Variants in LARS2 observed in about 807,000 individuals in gnomAD.
The protein encoded by LARS2 is leucyl-tRNA synthetase 2, mitochondrial, also known as leucine--tRNA ligase, mitochondrial.
LARS2 carries 81 observed loss-of-function variants against 116.6 expected under a neutral mutation model. The observed-to-expected ratio is 0.69, with a 90% CI of 0.58 to 0.84. LARS2 has a LOEUF of 0.84. Ranked by LOEUF, LARS2 falls within the 40% of genes least tolerant of loss-of-function variation. LARS2 has a pLI of 0.00. For missense variants in LARS2, 968 were observed against 1,114.5 expected (o/e 0.87, Z 1.87); for synonymous variants, 396 against 407.2 (o/e 0.97, Z 0.33).
intron 13 of LARS2, among the ~76,000 whole-genome samples, 174 bp from the exon 14 acceptor site, chr3:45,496,101 C>A (rs1020212539): frequency 6.6e-6 from 1 of 152,162 alleles, no homozygotes; most frequent in Non-Finnish European, 1.5e-5. Context: ...CCTCGTGATC[C>A]ACCCACCTCA....
At chr3:45,454,242 CA>C (rs1361228013) in intron 7 of LARS2, among the ~76,000 whole-genome samples, 1 of 152,146 alleles carries the variant, frequency 6.6e-6, no homozygotes, top group East Asian at 1.9e-4. Flanking sequence ...AGCCTAATGG[CA>C]AAGAAGAGTA....
At chr3:45,414,088 T>C (rs2125683798) in intron 4 of LARS2, among the ~76,000 whole-genome samples, 1 of 152,278 alleles carries the variant, frequency 6.6e-6, no homozygotes, top group South Asian at 2.1e-4. Context: ...CTTCTAGAAA[T>C]TTTTCTAAAG....
chr3:45,405,854 C>T (rs975830777), intron 4 of LARS2, among the ~76,000 whole-genome samples: 1 of 152,210 alleles, frequency 6.6e-6, no homozygotes, highest in Non-Finnish European at 1.5e-5. Context: ...AGTGCCTCCC[C>T]ATCTCTGTGG....
chr3:45,516,268 A>G lies in LARS2; in HGVS notation c.2036A>G (p.Asp679Gly). The G allele has an allele frequency of 1.9e-6, 3 of 1,612,968 alleles. No homozygotes were observed. Among genetic ancestry groups the G allele is most frequent in the Non-Finnish European group, 2.5e-6 (3 of 1,179,370 alleles). ...CCTCCTGAGAAGGATATCTTGTGGG[A>G]TGTGAAAAGTAAGTCACCTTCCTCT... Reference protein sequence around the residue: ...AAPPEKDILWDVKTDALPGVL... With the variant: ...AAPPEKDILWGVKTDALPGVL... Residue 679 changes from aspartate to glycine, a missense_variant, in exon 17 of 22, where the codon GAT becomes GGT. Physicochemically the swap from Asp to Gly is moderately conservative, Grantham distance 94 (BLOSUM62 -1). Coordinates refer to ENST00000645846, the MANE Select transcript of LARS2 (RefSeq NM_015340.4).
At chr3:45,436,799 CAA>C (rs61468802) in intron 6 of LARS2, among the ~76,000 whole-genome samples, 2,339 of 121,460 alleles carry the variant, frequency 0.019, 52 homozygotes, top group African/African-American at 0.074. Flanking sequence ...AGACTCGTCT[CAA>C]AAAAAAAAAA....
intron 21 of LARS2, among the ~76,000 whole-genome samples, chr3:45,546,392 CA>C (rs1700876385): frequency 6.6e-6 from 1 of 152,182 alleles, no homozygotes; most frequent in South Asian, 2.1e-4. Flanking sequence ...CTCACGCTTT[CA>C]AAACAGTATT....
chr3:45,541,079 G>C (rs1700788658), intron 20 of LARS2, among the ~76,000 whole-genome samples: 1 of 152,150 alleles, frequency 6.6e-6, no homozygotes, highest in African/African-American at 2.4e-5. Flanking sequence ...TTAAGTCAAA[G>C]CTTTCCCTGC....
intron 16 of LARS2, among the ~76,000 whole-genome samples, chr3:45,513,653 G>T (rs1378527791): frequency 2.6e-5 from 4 of 152,018 alleles, no homozygotes; most frequent in East Asian, 1.9e-4. Flanking sequence ...CAGAACCTTG[G>T]GGGGCAGCAC....
chr3:45,437,829 G>A (rs533502636), intron 6 of LARS2, among the ~76,000 whole-genome samples: 1 of 145,166 alleles, frequency 6.9e-6, no homozygotes, highest in South Asian at 2.4e-4. Flanking sequence ...TAAGTACTTG[G>A]AATACATCGG....
chr3:45,517,625 A>G (rs1700388412), intron 17 of LARS2, among the ~76,000 whole-genome samples: 1 of 152,202 alleles, frequency 6.6e-6, no homozygotes, highest in African/African-American at 2.4e-5. Flanking sequence ...ATCTTGACCA[A>G]GCTTCTGAGC....
intron 3 of LARS2, among the ~76,000 whole-genome samples, chr3:45,398,363 A>G (rs1164678754): frequency 2.6e-5 from 4 of 152,200 alleles, no homozygotes; most frequent in Non-Finnish European, 5.9e-5. Context: ...TCATGCGAAC[A>G]TTCAGCAAAC....
chr3:45,393,182 C>T (rs187557003), intron 2 of LARS2, among the ~76,000 whole-genome samples: 1 of 152,340 alleles, frequency 6.6e-6, no homozygotes, highest in Non-Finnish European at 1.5e-5. Context: ...AAAAATAGCA[C>T]TCACCGTGAC....
At chr3:45,516,984 G>A (rs1700377624) in intron 17 of LARS2, among the ~76,000 whole-genome samples, 1 of 152,234 alleles carries the variant, frequency 6.6e-6, no homozygotes, top group Non-Finnish European at 1.5e-5. Flanking sequence ...GGAAGAGGAA[G>A]TCAGATGCCT....
chr3:45,541,890 C>A lies in LARS2; in HGVS notation c.2466C>A (p.Leu822=). The A allele has an allele frequency of 6.2e-7, 1 of 1,614,250 alleles. No individual in the cohort carries two copies. Among genetic ancestry groups the A allele is most frequent in the Non-Finnish European group, 8.5e-7 (1 of 1,180,038 alleles). The change falls in exon 21 of 22, where the codon CTC becomes CTA. Residue 822 remains leucine, a synonymous_variant. Coordinates refer to ENST00000645846, the MANE Select transcript of LARS2 (RefSeq NM_015340.4). ...ACACTTGGGATGCCAGTGTGCTGCTCCAGGCATGGCCTGCTGTGGACCCGG... is the reference window on the plus strand; with the variant it reads ...ACACTTGGGATGCCAGTGTGCTGCTACAGGCATGGCCTGCTGTGGACCCGG... ...AHYTWDASVL[L]QAWPAVDPEF... is the part of the protein sequence containing the mutation.
chr3:45,393,188 G>A (rs1406738945), intron 2 of LARS2, among the ~76,000 whole-genome samples: 3 of 152,148 alleles, frequency 2.0e-5, no homozygotes, highest in African/African-American at 4.8e-5. Flanking sequence ...AGCACTCACC[G>A]TGACCACATG....
intron 21 of LARS2, among the ~76,000 whole-genome samples, chr3:45,545,188 G>A (rs1289368589): frequency 1.3e-5 from 2 of 152,230 alleles, no homozygotes; most frequent in African/African-American, 4.8e-5. Flanking sequence ...GAATTGCATA[G>A]TTCAATGCTT....
Position 45,547,640 on chromosome 3 carries a change from G to A in LARS2, c.*110G>A. The A allele has an allele frequency of 9.7e-7, 1 of 1,031,892 alleles. No homozygotes were observed. The highest frequency in any genetic ancestry group is 1.4e-6 in the Non-Finnish European group (1 of 702,344). 63.9% of individuals were successfully genotyped at this position (1,031,892 alleles called of 1,614,324 possible). A position where few individuals can be genotyped will look rare whatever the true frequency, so the allele number is the denominator to read the frequency against. On this transcript the variant is annotated 3_prime_UTR_variant, in exon 22 of 22. Transcript: ENST00000645846. ...GGGGAAGGGAAAAGACAAATGTCTT[G>A]ACTGTTGACCTCGGTCCTGTGGCAG...
rs11409535 is a variant in LARS2 at position 45,444,004 on chromosome 3, C to CTT, written c.517-2872_517-2871dup. Among the ~76,000 whole-genome samples the CTT allele has an allele frequency of 2.5e-3, 339 of 133,178 alleles. 2 individuals carry two copies. The highest frequency in any genetic ancestry group is 6.3e-3 in the East Asian group (28 of 4,414). 87.4% of individuals were successfully genotyped at this position (133,178 alleles called of 152,430 possible). ...TGTTTTTCCTGACTAGATCTATCCT[C>CTT]TTTTTTTTTTTTTTTTCTGAGACAG... On this transcript the variant is annotated intron_variant, in intron 6 of 21. Transcript: ENST00000645846.
At chr3:45,493,373 A>G (rs912340838) in intron 13 of LARS2, among the ~76,000 whole-genome samples, 16 of 152,174 alleles carry the variant, frequency 1.1e-4, no homozygotes, top group Non-Finnish European at 1.6e-4. Context: ...TGCTGGGATT[A>G]CAGGCGTGTG....
Sources: allele counts gnomAD v4.1 joint callset (sites outside exome capture counted in the v4.1 genomes callset), GRCh38; gene constraint gnomAD v4.1.1; transcripts MANE v1.5; gene names NCBI Gene and HGNC (gene_info 2026-07-23, HGNC 2026-07-21).